AUTS2: variants seen among roughly 807,000 people sequenced by gnomAD.
AUTS2 encodes the protein autism susceptibility gene 2 protein.
AUTS2 carries 17 observed loss-of-function variants against 112.4 expected under a neutral mutation model. The observed-to-expected ratio is 0.15, with a 90% CI of 0.10 to 0.23. The LOEUF (loss-of-function observed/expected upper bound fraction) is 0.23. AUTS2 is among the 10% of genes least tolerant of loss of function. The probability of loss-of-function intolerance (pLI) is 1.00; values close to 1 mark genes in which losing one functional copy is unlikely to be tolerated. For synonymous variants in AUTS2, 751 were observed against 702.7 expected (o/e 1.07, Z -1.09); for missense variants, 1,510 against 1,701.6 (o/e 0.89, Z 1.98).
At chr7:70,665,167 C>T (rs1190120594) in intron 5 of AUTS2, among the ~76,000 whole-genome samples, 3 of 152,148 alleles carry the variant, frequency 2.0e-5, no homozygotes, top group Non-Finnish European at 4.4e-5. Context: ...ACTGGCTTCC[C>T]AAGGAGGTGT....
intron 2 of AUTS2, among the ~76,000 whole-genome samples, chr7:69,933,131 AT>A (rs1345092920): frequency 1.3e-5 from 2 of 152,132 alleles, no homozygotes; most frequent in Non-Finnish European, 2.9e-5. Flanking sequence ...ATAAACTATT[AT>A]TTTTTCTAAC....
intron 5 of AUTS2, among the ~76,000 whole-genome samples, chr7:70,594,317 C>G (rs985630306): frequency 2.0e-5 from 3 of 152,056 alleles, no homozygotes; most frequent in Admixed American, 2.0e-4. Flanking sequence ...GGGGGCAGGG[C>G]TTTGAAAATA....
Position 70,766,304 on chromosome 7 carries a change from C to A in AUTS2, c.1659C>A (p.Thr553=), listed in dbSNP as rs146990635. 1 of 1,614,120 alleles carries A rather than the reference C, an allele frequency of 6.2e-7. No homozygotes were observed. The highest frequency in any genetic ancestry group is 8.5e-7 in the Non-Finnish European group (1 of 1,180,034). Residue 553 remains threonine, a synonymous_variant, in exon 9 of 19, where the codon ACC becomes ACA. Transcript: ENST00000342771. This position sits in a 1 kb window ranked among gnomAD's most constrained non-coding sequence, Gnocchi z 4.8. ...CGTTCCCCCACGCCATCCCACCCAC[C>A]GCCATCATGCCGACGCCAGCACCTC... ...FTPFPHAIPP[T]AIMPTPAPPM... is the part of the protein sequence containing the mutation.
intron 5 of AUTS2, among the ~76,000 whole-genome samples, chr7:70,622,306 C>CCGTT (rs1399528632): frequency 6.6e-6 from 1 of 152,138 alleles, no homozygotes; most frequent in Non-Finnish European, 1.5e-5. Context: ...GAGGGGCCTG[C>CCGTT]CGTTGTCCTC....
chr7:70,768,058 A>C lies in AUTS2; in HGVS notation c.1724A>C (p.Tyr575Ser), dbSNP rs1307879591. ...DKYPTKVDPF[Y>S]RHSLFHSYPP... Reference sequence around the variant, plus strand: ...TACCCTACAAAAGTTGACCCATTCTACCGGCACAGTGTGAGTTTCATTACC... The same window carrying C: ...TACCCTACAAAAGTTGACCCATTCTCCCGGCACAGTGTGAGTTTCATTACC... The change falls in exon 10 of 19, where the codon TAC becomes TCC. Residue 575 changes from tyrosine (Y) to serine (S), a missense_variant. Transcript: ENST00000342771. The C allele has an allele frequency of 1.2e-6, 2 of 1,605,072 alleles. No homozygotes were observed. Among genetic ancestry groups the C allele is most frequent in the Non-Finnish European group, 1.7e-6 (2 of 1,176,928 alleles).
At chr7:69,648,258 A>G (rs538750217) in intron 1 of AUTS2, among the ~76,000 whole-genome samples, 1 of 152,200 alleles carries the variant, frequency 6.6e-6, no homozygotes, top group Non-Finnish European at 1.5e-5. Flanking sequence ...ATAATGGTAT[A>G]TAAGTATGAG....
intron 5 of AUTS2, among the ~76,000 whole-genome samples, chr7:70,518,268 G>C (rs1457766566): frequency 2.0e-5 from 3 of 152,178 alleles, no homozygotes; most frequent in African/African-American, 7.2e-5. Flanking sequence ...GGGCAATCAG[G>C]ACGCAGGGGA....
intron 2 of AUTS2, among the ~76,000 whole-genome samples, chr7:69,961,280 A>T (rs1461972702): frequency 6.6e-6 from 1 of 152,172 alleles, no homozygotes; most frequent in African/African-American, 2.4e-5. Flanking sequence ...AGTATGGCTT[A>T]TGTAAAATGT....
rs564213191 is a variant in AUTS2, at chr7:69,774,801, G to C, written c.310-124485G>C. The stretch of plus-strand genomic sequence containing the variant: ...CAAATCAGGGATTTTCATCCCTGAA[G>C]ATTCTGGTTCAGTAGGTCTAGGATA... On this transcript the variant is annotated intron_variant, in intron 1 of 18. Coordinates refer to ENST00000342771, the MANE Select transcript of AUTS2 (RefSeq NM_015570.4). Among the ~76,000 whole-genome samples the C allele has an allele frequency of 2.6e-5, 4 of 152,284 alleles. No homozygotes were observed. In the South Asian group the frequency reaches 6.2e-4, roughly 24 times the overall value.
intron 1 of AUTS2, among the ~76,000 whole-genome samples, chr7:69,775,811 C>A (rs1788868352): frequency 6.6e-6 from 1 of 152,168 alleles, no homozygotes; most frequent in Non-Finnish European, 1.5e-5. Context: ...GTCCCAGATT[C>A]AAAATCAGTT....
chr7:70,086,632 C>T (rs1584699446), intron 2 of AUTS2, among the ~76,000 whole-genome samples: 2 of 132,902 alleles, frequency 1.5e-5, no homozygotes, highest in African/African-American at 5.9e-5. Flanking sequence ...CTGAGTGAGA[C>T]TCCATCTCAA....
chr7:70,781,922 T>C lies in AUTS2; in HGVS notation c.2146+166T>C, dbSNP rs187277714. 10 of 773,982 alleles carry C rather than the reference T, an allele frequency of 1.3e-5. No homozygotes were observed. In the Admixed American group the frequency reaches 2.1e-4, roughly 17 times the overall value. The allele number at this position is 773,982 out of a possible 1,614,324, so 47.9% of individuals were successfully genotyped here. A position where few individuals can be genotyped will look rare whatever the true frequency, so the allele number is the denominator to read the frequency against. ...CAGCACATCCAGGGAGTTGGGAATC[T>C]TCATTGATACACTCTCTTTCATTAA... On this transcript the variant is annotated intron_variant, in intron 15 of 18. Transcript: ENST00000342771.
At chr7:69,814,125 G>A (rs948535290) in intron 1 of AUTS2, among the ~76,000 whole-genome samples, 2 of 152,146 alleles carry the variant, frequency 1.3e-5, no homozygotes, top group Non-Finnish European at 2.9e-5. Flanking sequence ...TAAATTTCTG[G>A]TTTAAAGGTT....
At chr7:70,590,543 A>T (rs1432790319) in intron 5 of AUTS2, among the ~76,000 whole-genome samples, 2 of 152,202 alleles carry the variant, frequency 1.3e-5, no homozygotes, top group Non-Finnish European at 2.9e-5. Context: ...TTGTTAGACT[A>T]GTAGGGTAAT....
At chr7:70,185,257 CTTTT>C (rs35215443) in intron 4 of AUTS2, among the ~76,000 whole-genome samples, 34 of 87,118 alleles carry the variant, frequency 3.9e-4, no homozygotes, top group African/African-American at 9.1e-4. Flanking sequence ...TGACATTAAA[CTTTT>C]TTTTTTTTTT....
chr7:69,978,864 AC>A (rs1798167993), intron 2 of AUTS2, among the ~76,000 whole-genome samples: 1 of 76,100 alleles, frequency 1.3e-5, no homozygotes, highest in African/African-American at 5.3e-5. Flanking sequence ...GAAACAACAC[AC>A]ACACACACAC....
intron 5 of AUTS2, among the ~76,000 whole-genome samples, chr7:70,691,436 A>C (rs1190595748): frequency 2.0e-5 from 3 of 147,600 alleles, no homozygotes. Context: ...AAAAAAAAAC[A>C]ATCTTCCTGA....
chr7:69,811,535 C>G (rs568595162), intron 1 of AUTS2, among the ~76,000 whole-genome samples: 6 of 152,240 alleles, frequency 3.9e-5, no homozygotes, highest in East Asian at 1.9e-4. Context: ...TCATGCTCCC[C>G]CTCCCGTCCA....
chr7:70,621,123 A>G (rs1418352790), intron 5 of AUTS2, among the ~76,000 whole-genome samples: 1 of 152,190 alleles, frequency 6.6e-6, no homozygotes, highest in Non-Finnish European at 1.5e-5. Flanking sequence ...GTCCACATAC[A>G]TCTCTTCTTT....
Sources: allele counts gnomAD v4.1 joint callset (sites outside exome capture counted in the v4.1 genomes callset), GRCh38; gene constraint gnomAD v4.1.1; non-coding constraint Gnocchi (gnomAD v3.1); transcripts MANE v1.5; gene names NCBI Gene and HGNC (gene_info 2026-07-23, HGNC 2026-07-21).